The following LRRC4C variants were observed in gnomAD, a reference collection of about 807,000 sequenced individuals.
LRRC4C encodes the protein leucine-rich repeat-containing protein 4C.
LRRC4C carries 5 observed loss-of-function variants against 33.6 expected under a neutral mutation model. That is an observed-to-expected ratio of 0.15 (90% CI 0.08 to 0.31). LRRC4C has a LOEUF of 0.31. Among genes scored for constraint, LRRC4C ranks in the 10% least tolerant of loss-of-function variants. The pLI is 1.00. For missense variants in LRRC4C, 560 were observed against 796.7 expected, an observed-to-expected ratio of 0.70 and a Z score of 3.58; for synonymous variants, 329 against 302.0, an observed-to-expected ratio of 1.09 and a Z score of -0.93.
chr11:41,130,485 A>G (rs903835792), intron 1 of LRRC4C, among the ~76,000 whole-genome samples: 1 of 151,954 alleles, frequency 6.6e-6, no homozygotes, highest in Admixed American at 6.6e-5. Context: ...AAACATCCCA[A>G]AATAAAGTTA....
intron 1 of LRRC4C, among the ~76,000 whole-genome samples, chr11:41,290,119 G>GGA (rs1365656191): frequency 3.3e-5 from 5 of 152,096 alleles, no homozygotes; most frequent in Non-Finnish European, 7.4e-5. Context: ...GTATCTAGTC[G>GGA]GAGAGAGAGA....
chr11:40,899,362 C>T (rs548208639), intron 2 of LRRC4C, among the ~76,000 whole-genome samples: 1 of 152,128 alleles, frequency 6.6e-6, no homozygotes, highest in Non-Finnish European at 1.5e-5. Context: ...GTACCGTGAC[C>T]CTTCGTGTCC....
At chr11:41,284,743 G>A (rs1249664431) in intron 1 of LRRC4C, among the ~76,000 whole-genome samples, 1 of 152,158 alleles carries the variant, frequency 6.6e-6, no homozygotes, top group Non-Finnish European at 1.5e-5. Context: ...GATTCCTGAA[G>A]AAAAGTTTGA....
chr11:41,188,526 A>G (rs573652885), intron 1 of LRRC4C, among the ~76,000 whole-genome samples: 1 of 152,064 alleles, frequency 6.6e-6, no homozygotes, highest in South Asian at 2.1e-4. Context: ...TCTATGTACA[A>G]ATTTTCTTAT....
chr11:40,305,802 T>C (rs974403552), intron 4 of LRRC4C, among the ~76,000 whole-genome samples: 1 of 152,214 alleles, frequency 6.6e-6, no homozygotes, highest in Admixed American at 6.5e-5. Context: ...CGGTTACACC[T>C]GTTCTACAGA....
At chr11:40,522,152 A>T (rs1955843297) in intron 3 of LRRC4C, among the ~76,000 whole-genome samples, 1 of 152,160 alleles carries the variant, frequency 6.6e-6, no homozygotes, top group East Asian at 1.9e-4. Flanking sequence ...CCTCCCAAGT[A>T]GCTTGGGATT....
chr11:41,114,092 T>C (rs1303027960), intron 1 of LRRC4C, among the ~76,000 whole-genome samples: 2 of 152,034 alleles, frequency 1.3e-5, no homozygotes, highest in African/African-American at 4.8e-5. Flanking sequence ...ATATAACAAT[T>C]ATTTATCAAT....
intron 2 of LRRC4C, among the ~76,000 whole-genome samples, chr11:40,686,319 C>T (rs1050856525): frequency 6.6e-6 from 1 of 152,024 alleles, no homozygotes; most frequent in Non-Finnish European, 1.5e-5. Flanking sequence ...ATAACACTGG[C>T]ACACAGAGGA....
intron 1 of LRRC4C, among the ~76,000 whole-genome samples, chr11:41,396,700 C>T (rs939229850): frequency 2.0e-5 from 3 of 151,940 alleles, no homozygotes; most frequent in Non-Finnish European, 4.4e-5. Flanking sequence ...ATTATTTTGT[C>T]ACCCAAGTAT....
At chr11:41,123,677 A>G (rs78905738) in intron 1 of LRRC4C, among the ~76,000 whole-genome samples, 2,826 of 151,870 alleles carry the variant, frequency 0.019, 79 homozygotes, top group African/African-American at 0.066. Flanking sequence ...AGTTCACTCA[A>G]TTTTTTCTCA....
chr11:41,190,914 T>A, intron 1 of LRRC4C, among the ~76,000 whole-genome samples: 1 of 152,184 alleles, frequency 6.6e-6, no homozygotes, highest in African/African-American at 2.4e-5. Context: ...GTAAGGAAAG[T>A]ACTCTTGCAG....
At chr11:40,854,056 G>A (rs562155676) in intron 2 of LRRC4C, among the ~76,000 whole-genome samples, 6 of 152,088 alleles carry the variant, frequency 3.9e-5, no homozygotes, top group African/African-American at 7.2e-5. Flanking sequence ...ACCAGTAGGC[G>A]TCACAGAAAA....
At chr11:40,375,397 A>G (rs1014351895) in intron 3 of LRRC4C, among the ~76,000 whole-genome samples, 2 of 152,192 alleles carry the variant, frequency 1.3e-5, no homozygotes, top group African/African-American at 4.8e-5. Flanking sequence ...GACAAAGTAC[A>G]AATCAACACG....
At chr11:40,676,811 A>C (rs1944428536) in intron 2 of LRRC4C, among the ~76,000 whole-genome samples, 1 of 152,216 alleles carries the variant, frequency 6.6e-6, no homozygotes, top group Non-Finnish European at 1.5e-5. Flanking sequence ...CAGAGAATTA[A>C]GTTACCAAAA....
rs182353910 is a variant in LRRC4C, at chr11:41,104,280, G to A, written c.-495-170557C>T. Among the ~76,000 whole-genome samples, 17 of 151,866 alleles carry A rather than the reference G, an allele frequency of 1.1e-4. No individual in the cohort carries two copies. The East Asian group carries it at 1.7e-3, about 16-fold the overall frequency. ...AAGTCAACTAAAGTCAAATAAAGAA[G>A]CCAATTAAAAATGAGCAACAGATTT... On this transcript the variant is annotated intron_variant, in intron 1 of 6. Transcript: ENST00000528697.
intron 2 of LRRC4C, among the ~76,000 whole-genome samples, chr11:40,920,101 G>C (rs1418683879): frequency 6.6e-6 from 1 of 152,068 alleles, no homozygotes; most frequent in African/African-American, 2.4e-5. Flanking sequence ...CAGATTATAA[G>C]AAAATCTTAT....
At chr11:41,268,028 A>G (rs917792545) in intron 1 of LRRC4C, among the ~76,000 whole-genome samples, 2 of 152,042 alleles carry the variant, frequency 1.3e-5, no homozygotes, top group Non-Finnish European at 2.9e-5. Flanking sequence ...GTAAGTGTTT[A>G]TTTCTTAAAC....
At chr11:41,060,161 G>T (rs1725738734) in intron 1 of LRRC4C, among the ~76,000 whole-genome samples, 1 of 152,148 alleles carries the variant, frequency 6.6e-6, no homozygotes, top group Non-Finnish European at 1.5e-5. Context: ...TGTCATGCTG[G>T]TATTTCCCAG....
At chr11:40,311,291 A>T (rs1338263587) in intron 4 of LRRC4C, among the ~76,000 whole-genome samples, 1 of 152,174 alleles carries the variant, frequency 6.6e-6, no homozygotes, top group East Asian at 1.9e-4. Context: ...TCTCTACCAT[A>T]CTATTAAGAT....
Sources: allele counts gnomAD v4.1 joint callset (sites outside exome capture counted in the v4.1 genomes callset), GRCh38; gene constraint gnomAD v4.1.1; transcripts MANE v1.5; gene names NCBI Gene and HGNC (gene_info 2026-07-23, HGNC 2026-07-21).